CCDC102A: variants seen among roughly 807,000 people sequenced by gnomAD.
CCDC102A encodes coiled-coil domain containing 102A, also known as coiled-coil domain-containing protein 102A.
A neutral mutation model predicts 55.5 loss-of-function variants in CCDC102A; 40 were observed. The ratio of observed to expected loss-of-function variants is 0.72; its 90% confidence interval spans 0.56 to 0.94. CCDC102A has a LOEUF of 0.94. Among genes scored for constraint, CCDC102A ranks in the 40% least tolerant of loss-of-function variants. CCDC102A has a pLI of 0.00. For synonymous variants in CCDC102A, 323 were observed against 339.0 expected (o/e 0.95, Z 0.52); for missense variants, 779 against 768.6 (o/e 1.01, Z -0.16).
chr16:57,528,583 C>T lies in CCDC102A; in HGVS notation c.585+10G>A. 2.4e-6 allele frequency: 3 copies of T among 1,241,346 alleles called. No individual in the cohort carries two copies. Among genetic ancestry groups the T allele is most frequent in the South Asian group, 2.2e-5 (1 of 45,250 alleles). 76.9% of individuals were successfully genotyped at this position (1,241,346 alleles called of 1,614,324 possible). On this transcript the variant is annotated intron_variant, in intron 2 of 8. Coordinates refer to ENST00000258214, the MANE Select transcript of CCDC102A (RefSeq NM_033212.4). Reference sequence around the variant, plus strand: ...GACTGGAGCGCGAACGCCCCGCCCGCGCCGCGCACCTGGCTGCCTGGCGGC... The same window carrying T: ...GACTGGAGCGCGAACGCCCCGCCCGTGCCGCGCACCTGGCTGCCTGGCGGC...
At chr16:57,531,164 T>G (rs2032253149) in intron 1 of CCDC102A, among the ~76,000 whole-genome samples, 3 of 151,672 alleles carry the variant, frequency 2.0e-5, no homozygotes, top group Non-Finnish European at 1.5e-5. Flanking sequence ...TTCCCATACC[T>G]CCAACCGGAT....
chr16:57,513,403 A>G (rs1598068743), intron 8 of CCDC102A, among the ~76,000 whole-genome samples: 2 of 151,966 alleles, frequency 1.3e-5, no homozygotes, highest in African/African-American at 2.4e-5. Context: ...CCCTCCCCCA[A>G]CCCCCCAGCA....
chr16:57,521,128 G>A lies in CCDC102A; in HGVS notation c.861C>T (p.Leu287=). Residue 287 remains leucine (L), a synonymous_variant, in exon 4 of 9, where the codon CTC becomes CTT. Coordinates refer to ENST00000258214, the MANE Select transcript of CCDC102A (RefSeq NM_033212.4). ...SRNIEKLEGE[L]SQWKIKYEEL... ...CCTCATACTTGATCTTCCACTGGCT[G>A]AGCTCCCCCTCTAGCTTCTCAATGT... 1.2e-6 allele frequency: 2 copies of A among 1,613,626 alleles called. No individual in the cohort carries two copies. Among genetic ancestry groups the A allele is most frequent in the Non-Finnish European group, 1.7e-6 (2 of 1,180,000 alleles).
In CCDC102A at chr16:57,528,927, C is replaced by T. The variant is rs202154704; in HGVS notation, c.251G>A (p.Arg84Gln). The T allele has an allele frequency of 1.8e-4, 248 of 1,401,166 alleles. 1 individual carries two copies. In the African/African-American group the frequency reaches 3.6e-3, roughly 20 times the overall value. 86.8% of individuals were successfully genotyped at this position (1,401,166 alleles called of 1,614,324 possible). ...ELRLRELEEA[R>Q]ARAAQMEKTM... ...CTTCTCCATCTGCGCCGCCCGCGCC[C>T]GCGCCTCCTCCAGCTCCCGCAGCCG... The change falls in exon 2 of 9, where the codon CGG (arginine) becomes CAG (glutamine). Residue 84 changes from arginine to glutamine, a missense_variant. Transcript: ENST00000258214.
At position 57,521,166 on chromosome 16, in the gene CCDC102A, C is replaced by T. The variant is rs2032045597; in HGVS notation, c.823G>A (p.Ala275Thr). Residue 275 changes from alanine (A) to threonine (T), a missense_variant, in exon 4 of 9, where the codon GCG (alanine) becomes ACG (threonine). By Grantham distance (58) the Ala-to-Thr change is moderately conservative. Transcript: ENST00000258214. ...VLLKEREDKL[A>T]LSRNIEKLEG... ...AGCTTCTCAATGTTCCTGCTCAACG[C>T]CAGTTTATCCCTGGGGAAGGGACAG... 1.2e-6 allele frequency: 2 copies of T among 1,612,294 alleles called. No individual in the cohort carries two copies. Among genetic ancestry groups the T allele is most frequent in the Non-Finnish European group, 1.7e-6 (2 of 1,179,478 alleles).
Position 57,515,346 on chromosome 16 carries a change from C to T in CCDC102A, c.1518G>A (p.Gln506=). The T allele has an allele frequency of 1.9e-6, 3 of 1,589,414 alleles. No individual in the cohort carries two copies. Among genetic ancestry groups the T allele is most frequent in the African/African-American group, 2.7e-5 (2 of 74,790 alleles). ...ENLQVQLEHL[Q]SRLRRQQQNA... ...GTTCCCTGCCCGGGGCCCACCTGGA[C>T]TGCAGGTGCTCCAGTTGCACTTGCA... is the stretch of plus-strand genomic sequence containing the variant. The change falls in exon 8 of 9, where the codon CAG becomes CAA. Residue 506 remains glutamine (Q), a synonymous_variant. Transcript: ENST00000258214.
At chr16:57,514,282 T>A (rs1449432072) in intron 8 of CCDC102A, among the ~76,000 whole-genome samples, 2 of 152,142 alleles carry the variant, frequency 1.3e-5, no homozygotes, top group African/African-American at 4.8e-5. Context: ...CTACTATAGC[T>A]ATGAACTCCT....
chr16:57,515,445 C>A lies in CCDC102A; in HGVS notation c.1420-1G>T. On this transcript the variant is annotated splice_acceptor_variant, in intron 7 of 8. Transcript: ENST00000258214. LOFTEE classifies it high-confidence loss of function. The stretch of plus-strand genomic sequence containing the variant: ...GTGCCTGGTTGTGGGCCTCGTCCAG[C>A]TGTGGGGGTGAGCAGGGCCGAAAGC... The A allele has an allele frequency of 3.1e-6, 5 of 1,596,946 alleles. No homozygotes were observed. The highest frequency in any genetic ancestry group is 3.4e-6 in the Non-Finnish European group (4 of 1,173,390).
In CCDC102A at chr16:57,521,165, G is replaced by A. The variant is rs2032045526; in HGVS notation, c.824C>T (p.Ala275Val). The A allele has an allele frequency of 1.9e-6, 3 of 1,612,054 alleles. No individual in the cohort carries two copies. The highest frequency in any genetic ancestry group is 2.2e-5 in the East Asian group (1 of 44,864). The part of the protein sequence containing the change: ...VLLKEREDKL[A>V]LSRNIEKLEG... ...TAGCTTCTCAATGTTCCTGCTCAAC[G>A]CCAGTTTATCCCTGGGGAAGGGACA... is the stretch of plus-strand genomic sequence containing the variant. The change falls in exon 4 of 9, where the codon GCG becomes GTG. Residue 275 changes from alanine (A) to valine (V), a missense_variant. Ala to Val is a moderately conservative substitution (Grantham distance 64, BLOSUM62 0). Transcript: ENST00000258214.
intron 8 of CCDC102A, 61 bp from the exon 9 acceptor site, chr16:57,512,931 G>C (rs2031892474): frequency 6.8e-7 from 1 of 1,475,614 alleles, no homozygotes. Flanking sequence ...CGATAAGGTG[G>C]CTGCAGCTGG....
intron 2 of CCDC102A, among the ~76,000 whole-genome samples, chr16:57,527,005 CTGGCCTG>C (rs1269174402): frequency 1.3e-5 from 2 of 152,220 alleles, no homozygotes; most frequent in African/African-American, 2.4e-5. Flanking sequence ...CCACAGCCCT[CTGGCCTG>C]TGACCGACAA....
chr16:57,525,891 C>T lies in CCDC102A; in HGVS notation c.812+10G>A. On this transcript the variant is annotated intron_variant, in intron 3 of 8. Transcript: ENST00000258214. ...CCTGGCCCTGCCCCCTCCCGCCTCC[C>T]ACGACTCACTCTCGCTCCTTGAGCA... 1 of 1,611,922 alleles carries T rather than the reference C, an allele frequency of 6.2e-7. No individual in the cohort carries two copies. Among genetic ancestry groups the T allele is most frequent in the Non-Finnish European group, 8.5e-7 (1 of 1,179,274 alleles).
chr16:57,512,860 G>C lies in CCDC102A; in HGVS notation c.1534C>G (p.Gln512Glu), dbSNP rs1397636368. 1.2e-6 allele frequency: 2 copies of C among 1,613,518 alleles called. No homozygotes were observed. Among genetic ancestry groups the C allele is most frequent in the Admixed American group, 3.3e-5 (2 of 59,998 alleles). The change falls in exon 9 of 9, where the codon CAG becomes GAG. Residue 512 changes from glutamine to glutamate, a missense_variant. Coordinates refer to ENST00000258214, the MANE Select transcript of CCDC102A (RefSeq NM_033212.4). ...CCGAAGAGGGGAGCGTTCTGCTGCTGCCTGCGGAGCCTGTGGGGTGGGGGT... is the reference window on the plus strand; with the variant it reads ...CCGAAGAGGGGAGCGTTCTGCTGCTCCCTGCGGAGCCTGTGGGGTGGGGGT... ...LEHLQSRLRRQQQNAPLFGKI... is the reference protein window; with the variant it reads ...LEHLQSRLRREQQNAPLFGKI...
intron 7 of CCDC102A, 37 bp from the exon 8 acceptor site, chr16:57,515,481 C>G (rs1327376174): frequency 6.9e-7 from 1 of 1,444,704 alleles, no homozygotes. Context: ...ACGAGGGTCA[C>G]CCAGGGCTGG....
At chr16:57,517,345 A>C (rs1006952497) in intron 6 of CCDC102A, among the ~76,000 whole-genome samples, 9 of 151,868 alleles carry the variant, frequency 5.9e-5, no homozygotes, top group African/African-American at 1.9e-4. Flanking sequence ...AACTCAGTTT[A>C]TTTATTTATT....
Position 57,512,522 on chromosome 16 carries a change from G to A in CCDC102A, c.*219C>T, listed in dbSNP as rs960934651. On this transcript the variant is annotated 3_prime_UTR_variant, in exon 9 of 9. Transcript: ENST00000258214. ...CAAAGACTTCTGGGTGTGCGCGCGC[G>A]CGCGCGCGTGTGTGTATATATATAT... 48 of 473,704 alleles carry A rather than the reference G, an allele frequency of 1.0e-4. No homozygotes were observed. The highest frequency in any genetic ancestry group is 5.5e-4 in the Middle Eastern group (1 of 1,830). The allele number at this position is 473,704 out of a possible 1,614,324, so 29.3% of individuals were successfully genotyped here.
intron 8 of CCDC102A, 119 bp downstream of exon 8, chr16:57,515,222 A>G: frequency 1.4e-6 from 1 of 700,862 alleles, no homozygotes; most frequent in Non-Finnish European, 2.5e-6. Flanking sequence ...TTCTGGCTCC[A>G]GGCACCTGGA....
At chr16:57,534,877 C>G (rs1250776382) in intron 1 of CCDC102A, among the ~76,000 whole-genome samples, 1 of 152,206 alleles carries the variant, frequency 6.6e-6, no homozygotes, top group African/African-American at 2.4e-5. Context: ...GCCTAATTGA[C>G]CCACTGGGAA....
At chr16:57,522,892 C>T (rs953850013) in intron 3 of CCDC102A, among the ~76,000 whole-genome samples, 3 of 152,334 alleles carry the variant, frequency 2.0e-5, no homozygotes, top group Non-Finnish European at 4.4e-5. Context: ...TCAGGCTGGG[C>T]GCAGTGGCTT....
Sources: allele counts gnomAD v4.1 joint callset (sites outside exome capture counted in the v4.1 genomes callset), GRCh38; gene constraint gnomAD v4.1.1; transcripts MANE v1.5; gene names NCBI Gene and HGNC (gene_info 2026-07-23, HGNC 2026-07-21).